ATP10A: variants seen among roughly 807,000 people sequenced by gnomAD.
ATP10A encodes ATPase phospholipid transporting 10A (putative), also known as phospholipid-transporting ATPase VA.
A neutral mutation model predicts 147.8 loss-of-function variants in ATP10A; 111 were observed. The observed-to-expected ratio is 0.75, with a 90% CI of 0.64 to 0.88. ATP10A has a LOEUF of 0.88. ATP10A is among the 40% of genes least tolerant of loss of function. The pLI is 0.00. For synonymous variants in ATP10A, 875 were observed against 841.6 expected, an observed-to-expected ratio of 1.04 and a Z score of -0.69; for missense variants, 1,927 against 1,959.0, an observed-to-expected ratio of 0.98 and a Z score of 0.31.
chr15:25,835,188 T>C (rs1377033711), intron 1 of ATP10A, among the ~76,000 whole-genome samples: 4 of 152,108 alleles, frequency 2.6e-5, no homozygotes, highest in Admixed American at 6.5e-5. Context: ...AGAGGATCAC[T>C]TGAACCCAGG....
intron 12 of ATP10A, among the ~76,000 whole-genome samples, chr15:25,704,225 G>C (rs1186653890): frequency 6.6e-6 from 1 of 151,304 alleles, no homozygotes; most frequent in Non-Finnish European, 1.5e-5. Flanking sequence ...TGTGTTCATA[G>C]TAATTCATTC....
intron 2 of ATP10A, among the ~76,000 whole-genome samples, chr15:25,775,780 C>T (rs1314676083): frequency 6.6e-6 from 1 of 152,232 alleles, no homozygotes. Flanking sequence ...TTAACCCACA[C>T]AGAAGTCACC....
Position 25,714,225 on chromosome 15 carries a change from T to G in ATP10A, c.1793A>C (p.Glu598Ala). The change falls in exon 10 of 21, where the codon GAG becomes GCG. Residue 598 changes from glutamate to alanine, a missense_variant. Transcript: ENST00000555815. ...TATCGTCTTCACCGGGGACTTCAGC[T>G]CAAACCTCACCCTCACCTGCAAGAG... ...QPRTKVRVRF[E>A]LKSPVKTIED... 1.9e-6 allele frequency: 3 copies of G among 1,599,752 alleles called. No individual in the cohort carries two copies. The highest frequency in any genetic ancestry group is 2.5e-6 in the Non-Finnish European group (3 of 1,179,946).
chr15:25,779,215 C>G (rs755119288), intron 2 of ATP10A, among the ~76,000 whole-genome samples: 1 of 152,194 alleles, frequency 6.6e-6, no homozygotes, highest in African/African-American at 2.4e-5. Context: ...GGAGATCTAT[C>G]TGCGGCGTTC....
chr15:25,824,713 T>A (rs1892044586), intron 1 of ATP10A, among the ~76,000 whole-genome samples: 1 of 147,900 alleles, frequency 6.8e-6, no homozygotes, highest in Non-Finnish European at 1.5e-5. Context: ...ATCAACTTTT[T>A]TCAGGTCTCT....
At chr15:25,822,309 C>G (rs374841930) in intron 1 of ATP10A, among the ~76,000 whole-genome samples, 1 of 152,044 alleles carries the variant, frequency 6.6e-6, no homozygotes, top group Non-Finnish European at 1.5e-5. Flanking sequence ...CCAAGTTGTT[C>G]GGTAGTACTT....
In ATP10A at chr15:25,862,875, G is replaced by A. The variant is rs373429995; in HGVS notation, c.222C>T (p.Phe74=). The A allele has an allele frequency of 3.7e-6, 6 of 1,612,064 alleles. No homozygotes were observed. The highest frequency in any genetic ancestry group is 1.7e-4 in the Middle Eastern group (1 of 6,060). Residue 74 remains phenylalanine, a synonymous_variant, in exon 1 of 21, where the codon TTC becomes TTT. Transcript: ENST00000555815. ...ACTGCTCGAACAGGTTCTTGGGCAG[G>A]AAGGACAGCAGCGTGTACTTGGTAG... ...LKTTKYTLLS[F]LPKNLFEQFH...
At chr15:25,694,050 C>A (rs1363683689) in intron 14 of ATP10A, among the ~76,000 whole-genome samples, 1 of 151,922 alleles carries the variant, frequency 6.6e-6, no homozygotes, top group Non-Finnish European at 1.5e-5. Flanking sequence ...GGGTCACGGC[C>A]ACTGCTTCCT....
At chr15:25,823,485 G>GT (rs1891974252) in intron 1 of ATP10A, among the ~76,000 whole-genome samples, 2 of 152,150 alleles carry the variant, frequency 1.3e-5, no homozygotes, top group Non-Finnish European at 2.9e-5. Flanking sequence ...CCTTCTGTGG[G>GT]GTCAGTGCCC....
Position 25,830,997 on chromosome 15 carries a change from G to A in ATP10A, c.449+31651C>T, listed in dbSNP as rs1346785095. Among the ~76,000 whole-genome samples the A allele has an allele frequency of 5.3e-5, 8 of 152,158 alleles. No homozygotes were observed. In the East Asian group the frequency reaches 7.7e-4, roughly 15 times the overall value. Reference sequence around the variant, plus strand: ...GGGCCTCCCTTCATCTGGCTGCTTCGCTACATGATTCAAAGCCAAAATTAT... The same window carrying A: ...GGGCCTCCCTTCATCTGGCTGCTTCACTACATGATTCAAAGCCAAAATTAT... On this transcript the variant is annotated intron_variant, in intron 1 of 20. Coordinates refer to ENST00000555815, the MANE Select transcript of ATP10A (RefSeq NM_024490.4).
At chr15:25,705,107 T>G (rs949954060) in intron 12 of ATP10A, among the ~76,000 whole-genome samples, 70 of 152,210 alleles carry the variant, frequency 4.6e-4, no homozygotes, top group African/African-American at 1.6e-3. Flanking sequence ...AGATCCTTTC[T>G]GCTGAAGATA....
intron 1 of ATP10A, among the ~76,000 whole-genome samples, chr15:25,789,204 A>C (rs1890301260): frequency 6.6e-6 from 1 of 152,056 alleles, no homozygotes. Flanking sequence ...TCAAATATCC[A>C]CCTGACTCAG....
chr15:25,698,589 G>A (rs1012976129), intron 13 of ATP10A, among the ~76,000 whole-genome samples: 1 of 152,180 alleles, frequency 6.6e-6, no homozygotes, highest in Non-Finnish European at 1.5e-5. Flanking sequence ...GTTATATGTG[G>A]ATTTTTGACT....
In ATP10A at chr15:25,702,027, C is replaced by T. The variant is rs1490911999; in HGVS notation, c.2649G>A (p.Leu883=). The T allele has an allele frequency of 6.2e-7, 1 of 1,614,082 alleles. No individual in the cohort carries two copies. Among genetic ancestry groups the T allele is most frequent in the Non-Finnish European group, 8.5e-7 (1 of 1,180,032 alleles). Residue 883 remains leucine (L), a synonymous_variant, in exon 13 of 21, where the codon CTG becomes CTA. Coordinates refer to ENST00000555815, the MANE Select transcript of ATP10A (RefSeq NM_024490.4). ...TGTCACCAGTGAGAACCCAAATCTG[C>T]AGGCCCGCTTGACGCAATTTAGAAA... The part of the protein sequence containing the change: ...ETISKLRQAG[L]QIWVLTGDKQ...
At position 25,762,017 on chromosome 15, in the gene ATP10A, ATGT is replaced by A. The variant is rs1888784690; in HGVS notation, c.654+18999_654+19001del. On this transcript the variant is annotated intron_variant, in intron 2 of 20. Transcript: ENST00000555815. ...GAATTGTGGCTCCCGTAGTCCCCAC[ATGT>A]TGTGGGAGGGATCCGGTGGGAGGTA... Among the ~76,000 whole-genome samples the A allele has an allele frequency of 7.9e-5, 12 of 152,146 alleles. No homozygotes were observed. The South Asian group carries it at 2.5e-3, about 32-fold the overall frequency.
intron 12 of ATP10A, among the ~76,000 whole-genome samples, chr15:25,706,586 G>A (rs1409795916): frequency 2.0e-5 from 3 of 152,226 alleles, no homozygotes; most frequent in Non-Finnish European, 4.4e-5. Flanking sequence ...TGGGCTCTGA[G>A]AGCAGGGAAG....
At chr15:25,825,697 G>T (rs1892084989) in intron 1 of ATP10A, among the ~76,000 whole-genome samples, 1 of 152,078 alleles carries the variant, frequency 6.6e-6, no homozygotes, top group Middle Eastern at 3.2e-3. Flanking sequence ...AACAACAATA[G>T]CAACAAACAG....
At chr15:25,740,545 C>T (rs1284991181) in intron 2 of ATP10A, among the ~76,000 whole-genome samples, 1 of 152,262 alleles carries the variant, frequency 6.6e-6, no homozygotes, top group African/African-American at 2.4e-5. Flanking sequence ...ACACTCCCGT[C>T]TTCTGCATCT....
intron 2 of ATP10A, among the ~76,000 whole-genome samples, chr15:25,756,943 A>G (rs1888446161): frequency 6.6e-6 from 1 of 152,220 alleles, no homozygotes; most frequent in Non-Finnish European, 1.5e-5. Flanking sequence ...TGTCAAATAA[A>G]ATGTTCATAA....
Sources: gnomAD v4.1 joint callset for allele counts (sites outside exome capture counted in the v4.1 genomes callset) on GRCh38, gnomAD v4.1.1 for gene constraint, MANE v1.5 for transcripts, NCBI Gene and HGNC (gene_info 2026-07-23, HGNC 2026-07-21) for gene names.